The following ADAMTS9 variants were observed in gnomAD, a reference collection of about 807,000 sequenced individuals.
ADAMTS9 encodes the protein A disintegrin and metalloproteinase with thrombospondin motifs 9.
In ADAMTS9, 107 loss-of-function variants were observed where a neutral mutation model predicts 257.1. The ratio of observed to expected loss-of-function variants is 0.42; its 90% CI spans 0.36 to 0.49. ADAMTS9 has a LOEUF of 0.49. Among genes scored for constraint, ADAMTS9 ranks in the 20% least tolerant of loss-of-function variants. The pLI is 0.03. For synonymous variants in ADAMTS9, 982 were observed against 880.9 expected (o/e 1.11, Z -2.03); for missense variants, 2,353 against 2,469.1 (o/e 0.95, Z 1.00).
intron 22 of ADAMTS9, among the ~76,000 whole-genome samples, chr3:64,610,468 C>T (rs974415678): frequency 6.6e-6 from 1 of 151,598 alleles, no homozygotes; most frequent in Non-Finnish European, 1.5e-5. Flanking sequence ...GAGAGAAATT[C>T]TGTGATGAGT....
chr3:64,661,759 AT>A (rs1025144561), intron 3 of ADAMTS9, among the ~76,000 whole-genome samples: 1 of 152,142 alleles, frequency 6.6e-6, no homozygotes, highest in African/African-American at 2.4e-5. Context: ...TGAAAATTAA[AT>A]TTTTTTAATA....
At chr3:64,583,812 T>G (rs1412043349) in intron 28 of ADAMTS9, 25 of 152,184 alleles carry the variant, frequency 1.6e-4, no homozygotes, top group Non-Finnish European at 3.5e-4. Flanking sequence ...GTAAAGGGCC[T>G]GCTGAACATC....
At chr3:64,657,488 G>A (rs1701105681) in intron 4 of ADAMTS9, among the ~76,000 whole-genome samples, 1 of 149,622 alleles carries the variant, frequency 6.7e-6, no homozygotes, top group African/African-American at 2.5e-5. Context: ...ATAGGTATAT[G>A]CCACTACACC....
At chr3:64,620,972 A>G in intron 19 of ADAMTS9, 142 bp downstream of exon 19, 1 of 1,028,574 alleles carries the variant, frequency 9.7e-7, no homozygotes, top group Non-Finnish European at 1.4e-6. Flanking sequence ...AGAGGGATGG[A>G]GAATTGGTTA....
rs1201212787 is a variant in ADAMTS9, at chr3:64,647,959, G to A, written c.1691C>T (p.Thr564Met). The change falls in exon 11 of 40, where the codon ACG becomes ATG. Residue 564 changes from threonine (T) to methionine (M), a missense_variant. Around this residue, in one of 3 missense-constraint regions of ADAMTS9, gnomAD observed 360 missense variants for 458.1 expected, o/e 0.79. Transcript: ENST00000498707. ...ACTTGCCTTTCCAGGCTCGCACTCC[G>A]TCCCATCGGCCCAGGGTGTGTGCTG... Reference protein sequence around the residue: ...RTQHTPWADGTECEPGKHCKY... With the variant: ...RTQHTPWADGMECEPGKHCKY... The A allele has an allele frequency of 2.5e-6, 4 of 1,613,790 alleles. No homozygotes were observed. Among genetic ancestry groups the A allele is most frequent in the Non-Finnish European group, 2.5e-6 (3 of 1,179,914 alleles).
chr3:64,647,914 G>A, intron 11 of ADAMTS9, 26 bp downstream of exon 11: 1 of 1,597,072 alleles, frequency 6.3e-7, no homozygotes, highest in Non-Finnish European at 8.5e-7. Flanking sequence ...CCCTAAGACA[G>A]AAGGACAGAA....
At chr3:64,665,380 G>C (rs1485724542) in intron 3 of ADAMTS9, among the ~76,000 whole-genome samples, 1 of 152,158 alleles carries the variant, frequency 6.6e-6, no homozygotes, top group Non-Finnish European at 1.5e-5. Flanking sequence ...ACTGACTCCT[G>C]CTCACCCTCC....
intron 20 of ADAMTS9, 79 bp from the exon 21 acceptor site, chr3:64,615,564 C>T: frequency 2.1e-6 from 3 of 1,404,192 alleles, no homozygotes; most frequent in Non-Finnish European, 2.9e-6. Flanking sequence ...TATGTTGTCT[C>T]TTCCAGCTCT....
At chr3:64,581,233 T>G (rs1273788072) in intron 28 of ADAMTS9, among the ~76,000 whole-genome samples, 1 of 152,156 alleles carries the variant, frequency 6.6e-6, no homozygotes, top group African/African-American at 2.4e-5. Context: ...CATCAGGAAA[T>G]GTAAGACAAT....
rs530376740 is a variant in ADAMTS9 at position 64,681,619 on chromosome 3, A to G, written c.517-256T>C. ...TTTAGAGATAGGGTCTTGCTCTCTC[A>G]CCCAGCCTTGAACTCCTGGGCTCAA... On this transcript the variant is annotated intron_variant, in intron 2 of 39. Coordinates refer to ENST00000498707, the MANE Select transcript of ADAMTS9 (RefSeq NM_182920.2). 1.1e-4 allele frequency among the ~76,000 whole-genome samples: 17 copies of G among 152,208 alleles called. 2 individuals carry two copies. The highest frequency in any genetic ancestry group is 3.9e-4 in the African/African-American group (16 of 41,518).
At chr3:64,596,635 C>T (rs2084369284) in intron 27 of ADAMTS9, among the ~76,000 whole-genome samples, 195 bp downstream of exon 27, 1 of 152,126 alleles carries the variant, frequency 6.6e-6, no homozygotes, top group Non-Finnish European at 1.5e-5. Context: ...CACCTGTGTA[C>T]CCAAACTGTC....
rs1348496605 is a variant in ADAMTS9, at chr3:64,651,133, TTTG to T, written c.1344_1346del (p.Asn448del). The T allele has an allele frequency of 1.3e-6, 2 of 1,589,990 alleles. No homozygotes were observed. The highest frequency in any genetic ancestry group is 2.3e-5 in the East Asian group (1 of 43,396). On this transcript the variant is annotated inframe_deletion, in exon 9 of 40. Coordinates refer to ENST00000498707, the MANE Select transcript of ADAMTS9 (RefSeq NM_182920.2). ...GACTCTTAACTCCTTCTTCTTTACA[TTTG>T]TTGTTGTCATCATGAGGCATGTTAA... is the stretch of plus-strand genomic sequence containing the variant.
chr3:64,666,095 T>TA (rs1177983141), intron 3 of ADAMTS9, among the ~76,000 whole-genome samples: 2 of 152,180 alleles, frequency 1.3e-5, no homozygotes, highest in Non-Finnish European at 2.9e-5. Context: ...ATCCTTATTT[T>TA]AAAAAACCTC....
intron 3 of ADAMTS9, among the ~76,000 whole-genome samples, chr3:64,660,477 A>T (rs1402179013): frequency 6.6e-6 from 1 of 152,190 alleles, no homozygotes; most frequent in Non-Finnish European, 1.5e-5. Context: ...CTTAAATATT[A>T]AATGGAAAAT....
chr3:64,593,685 C>G (rs1401253132), intron 28 of ADAMTS9, among the ~76,000 whole-genome samples: 1 of 152,202 alleles, frequency 6.6e-6, no homozygotes, highest in African/African-American at 2.4e-5. Context: ...GAGAACATTT[C>G]CGACACCCTA....
At chr3:64,618,886 A>G (rs1700031791) in intron 19 of ADAMTS9, among the ~76,000 whole-genome samples, 1 of 152,150 alleles carries the variant, frequency 6.6e-6, no homozygotes, top group Admixed American at 6.5e-5. Flanking sequence ...CTTTATAAGC[A>G]CTGTTTACAT....
intron 33 of ADAMTS9, 59 bp from the exon 34 acceptor site, chr3:64,541,679 C>T: frequency 6.4e-7 from 1 of 1,560,010 alleles, no homozygotes; most frequent in Non-Finnish European, 8.8e-7. Context: ...AATTATCTGC[C>T]TATAGAATGA....
chr3:64,535,732 G>A (rs545619379), intron 37 of ADAMTS9, among the ~76,000 whole-genome samples: 4 of 151,554 alleles, frequency 2.6e-5, no homozygotes, highest in African/African-American at 9.7e-5. Flanking sequence ...TTTTATTTTG[G>A]TAGAGATGGA....
chr3:64,647,848 T>C, intron 11 of ADAMTS9, 92 bp downstream of exon 11: 1 of 1,093,552 alleles, frequency 9.1e-7, no homozygotes, highest in Non-Finnish European at 1.3e-6. Context: ...GACTGCATTG[T>C]CTTATATTCT....
Sources: allele counts gnomAD v4.1 joint callset (sites outside exome capture counted in the v4.1 genomes callset), GRCh38; gene constraint gnomAD v4.1.1; regional missense constraint gnomAD v4.1.1; transcripts MANE v1.5; gene names NCBI Gene and HGNC (gene_info 2026-07-23, HGNC 2026-07-21).